The following DLGAP2 variants were observed in gnomAD, a reference collection of about 807,000 sequenced individuals.
DLGAP2 encodes the protein DLG associated protein 2.
A neutral mutation model predicts 100.3 loss-of-function variants in DLGAP2; 26 were observed. That is an observed-to-expected ratio of 0.26 (90% CI 0.19 to 0.36). The LOEUF is 0.36. DLGAP2 is among the 10% of genes least tolerant of loss of function. The probability of loss-of-function intolerance (pLI) is 1.00; values close to 1 mark genes in which losing one functional copy is unlikely to be tolerated. For synonymous variants in DLGAP2, 886 were observed against 630.1 expected, an observed-to-expected ratio of 1.41 and a Z score of -6.08; for missense variants, 1,858 against 1,453.2, an observed-to-expected ratio of 1.28 and a Z score of -4.53.
chr8:960,140 G>A (rs961811369), intron 2 of DLGAP2, among the ~76,000 whole-genome samples: 2 of 149,968 alleles, frequency 1.3e-5, no homozygotes, highest in Admixed American at 1.3e-4. Context: ...AGATGGCCCA[G>A]TTCCCCTCAT....
At chr8:1,458,825 A>G (rs1798392044) in intron 3 of DLGAP2, among the ~76,000 whole-genome samples, 1 of 152,202 alleles carries the variant, frequency 6.6e-6, no homozygotes, top group South Asian at 2.1e-4. Flanking sequence ...GCAGCCGCAC[A>G]GGGTGTCCCA....
chr8:1,069,019 C>A (rs1163442194), intron 2 of DLGAP2, among the ~76,000 whole-genome samples: 2 of 152,168 alleles, frequency 1.3e-5, no homozygotes, highest in African/African-American at 4.8e-5. Context: ...GAAACCCAGT[C>A]TGGGTAACAA....
intron 2 of DLGAP2, among the ~76,000 whole-genome samples, chr8:1,188,580 G>GAATCTCACAC (rs1797566963): frequency 6.6e-6 from 1 of 151,758 alleles, no homozygotes; most frequent in South Asian, 2.1e-4. Context: ...TTCCCTCACG[G>GAATCTCACAC]AATCTCACAC....
intron 5 of DLGAP2, among the ~76,000 whole-genome samples, chr8:1,559,414 T>A (rs116625728): frequency 6.6e-6 from 1 of 152,158 alleles, no homozygotes; most frequent in Non-Finnish European, 1.5e-5. Flanking sequence ...TTAGTATTGC[T>A]CTTCTGTTCT....
In DLGAP2 at chr8:1,113,217, A is replaced by T. The variant is rs983784414; in HGVS notation, c.74-145634A>T. 2.6e-5 allele frequency among the ~76,000 whole-genome samples: 4 copies of T among 152,062 alleles called. No homozygotes were observed. In the East Asian group the frequency reaches 5.8e-4, roughly 22 times the overall value. On this transcript the variant is annotated intron_variant, in intron 2 of 14. Coordinates refer to ENST00000637795, the MANE Select transcript of DLGAP2 (RefSeq NM_001346810.2). ...TTTGGTTCCATATGAATTTTACAAT[A>T]GTTTTTTTCTAGTTCTGTAAAGAGT...
intron 2 of DLGAP2, among the ~76,000 whole-genome samples, chr8:1,084,456 A>G (rs947484628): frequency 1.8e-4 from 27 of 152,230 alleles, no homozygotes; most frequent in African/African-American, 6.3e-4. Context: ...TGTACTCAGC[A>G]TGCCGTGCTA....
rs149647919 is a variant in DLGAP2 at position 1,244,821 on chromosome 8, A to G, written c.74-14030A>G. On this transcript the variant is annotated intron_variant, in intron 2 of 14. Coordinates refer to ENST00000637795, the MANE Select transcript of DLGAP2 (RefSeq NM_001346810.2). ...AAAGTTTTTGTGTGTTTCAGAGGTT[A>G]CCATCAATAAAGTAAGAAGGAAACT... Among the ~76,000 whole-genome samples, 30 of 152,382 alleles carry G rather than the reference A, an allele frequency of 2.0e-4. No individual in the cohort carries two copies. The East Asian group carries it at 4.6e-3, about 23-fold the overall frequency.
chr8:1,515,558 G>A (rs1282200722), intron 4 of DLGAP2, among the ~76,000 whole-genome samples: 1 of 151,892 alleles, frequency 6.6e-6, no homozygotes, highest in Non-Finnish European at 1.5e-5. Context: ...ACAAACACGA[G>A]CAGACATGAA....
At chr8:877,072 T>C (rs1797699482) in intron 1 of DLGAP2, among the ~76,000 whole-genome samples, 1 of 152,108 alleles carries the variant, frequency 6.6e-6, no homozygotes, top group African/African-American at 2.4e-5. Flanking sequence ...CCTTTGGTTC[T>C]GGGAACATCT....
intron 1 of DLGAP2, among the ~76,000 whole-genome samples, chr8:880,045 C>A (rs1331157290): frequency 6.6e-6 from 1 of 152,198 alleles, no homozygotes; most frequent in Non-Finnish European, 1.5e-5. Flanking sequence ...TCAGGAAATT[C>A]TGTCCTGGCC....
At chr8:1,151,406 A>G in intron 2 of DLGAP2, among the ~76,000 whole-genome samples, 1 of 152,242 alleles carries the variant, frequency 6.6e-6, no homozygotes, top group Non-Finnish European at 1.5e-5. Context: ...CACGATGCAG[A>G]GAAGTCACTG....
intron 2 of DLGAP2, among the ~76,000 whole-genome samples, chr8:970,678 T>G (rs1799990580): frequency 6.6e-6 from 1 of 152,240 alleles, no homozygotes; most frequent in African/African-American, 2.4e-5. Context: ...TTCTGTGTCC[T>G]TAGAGACATG....
At chr8:1,107,813 C>T (rs1259768050) in intron 2 of DLGAP2, among the ~76,000 whole-genome samples, 3 of 152,190 alleles carry the variant, frequency 2.0e-5, no homozygotes, top group African/African-American at 7.2e-5. Flanking sequence ...TTTCCACACC[C>T]ATGTTGCATT....
At chr8:1,514,554 G>C (rs767240663) in intron 4 of DLGAP2, among the ~76,000 whole-genome samples, 3 of 152,256 alleles carry the variant, frequency 2.0e-5, no homozygotes, top group Non-Finnish European at 4.4e-5. Flanking sequence ...GGTCAGGAGT[G>C]TGAAACTTCT....
At chr8:824,412 C>G (rs917289700) in intron 1 of DLGAP2, among the ~76,000 whole-genome samples, 1 of 152,174 alleles carries the variant, frequency 6.6e-6, no homozygotes, top group Non-Finnish European at 1.5e-5. Context: ...AGCACAGCCC[C>G]TCTTGATTTA....
chr8:1,106,646 A>G (rs1804782410), intron 2 of DLGAP2, among the ~76,000 whole-genome samples: 1 of 149,356 alleles, frequency 6.7e-6, no homozygotes, highest in Admixed American at 6.6e-5. Context: ...CCATTCTAGG[A>G]TGGTTTTCTA....
chr8:1,289,137 T>G (rs562180353), intron 3 of DLGAP2, among the ~76,000 whole-genome samples: 14 of 152,316 alleles, frequency 9.2e-5, no homozygotes, highest in Middle Eastern at 3.4e-3. Context: ...AGGCTGTTTT[T>G]AGCCTGGAGA....
chr8:1,416,495 C>T (rs1444689353), intron 3 of DLGAP2, among the ~76,000 whole-genome samples: 1 of 152,180 alleles, frequency 6.6e-6, no homozygotes, highest in Non-Finnish European at 1.5e-5. Flanking sequence ...GCTCCTGTTT[C>T]CTAAGTGAGG....
At chr8:1,416,347 T>C (rs1470882755) in intron 3 of DLGAP2, among the ~76,000 whole-genome samples, 1 of 152,206 alleles carries the variant, frequency 6.6e-6, no homozygotes, top group African/African-American at 2.4e-5. Flanking sequence ...CCTTCGTATT[T>C]CAGACGTGCC....
Sources: allele counts gnomAD v4.1 joint callset (sites outside exome capture counted in the v4.1 genomes callset), GRCh38; gene constraint gnomAD v4.1.1; transcripts MANE v1.5; gene names NCBI Gene and HGNC (gene_info 2026-07-23, HGNC 2026-07-21).